Variants in ARHGAP28 observed in about 807,000 individuals in gnomAD.
The protein encoded by ARHGAP28 is Rho GTPase activating protein 28.
ARHGAP28 carries 56 observed loss-of-function variants against 90.7 expected under a neutral mutation model. The ratio of observed to expected loss-of-function variants is 0.62; its 90% CI spans 0.50 to 0.77. The LOEUF is 0.77. Ranked by LOEUF, ARHGAP28 falls within the 30% of genes least tolerant of loss-of-function variation. The probability of loss-of-function intolerance (pLI) is 0.00; values close to 1 mark genes in which losing one functional copy is unlikely to be tolerated. For missense variants in ARHGAP28, 869 were observed against 900.9 expected (o/e 0.96, Z 0.45); for synonymous variants, 308 against 323.3 (o/e 0.95, Z 0.51).
At chr18:6,832,666 G>A (rs1166782800) in intron 2 of ARHGAP28, among the ~76,000 whole-genome samples, 1 of 151,918 alleles carries the variant, frequency 6.6e-6, no homozygotes, top group Non-Finnish European at 1.5e-5. Context: ...AATACTCTTA[G>A]TAATATTCCC....
intron 1 of ARHGAP28, among the ~76,000 whole-genome samples, chr18:6,783,599 C>T (rs1312864925): frequency 3.9e-5 from 6 of 152,092 alleles, no homozygotes; most frequent in Non-Finnish European, 7.3e-5. Flanking sequence ...CCATGACCGG[C>T]CTGGGTATTT....
chr18:6,888,149 A>G (rs1791912119), intron 12 of ARHGAP28, among the ~76,000 whole-genome samples: 2 of 152,236 alleles, frequency 1.3e-5, no homozygotes, highest in Non-Finnish European at 2.9e-5. Context: ...CCACTGATAT[A>G]TAGTAGAACA....
At chr18:6,824,451 C>T (rs1418975070) in intron 1 of ARHGAP28, among the ~76,000 whole-genome samples, 18 of 152,204 alleles carry the variant, frequency 1.2e-4, no homozygotes, top group Admixed American at 5.9e-4. Context: ...GCAGGAGAAT[C>T]GCTTGAACCC....
intron 11 of ARHGAP28, 194 bp downstream of exon 11, chr18:6,882,493 A>G: frequency 4.5e-6 from 2 of 445,444 alleles, no homozygotes; most frequent in African/African-American, 2.0e-5. Flanking sequence ...TTAGGGTTTT[A>G]TAATCATTAA....
chr18:6,859,396 G>C (rs942880377), intron 4 of ARHGAP28, among the ~76,000 whole-genome samples: 1 of 152,140 alleles, frequency 6.6e-6, no homozygotes, highest in African/African-American at 2.4e-5. Flanking sequence ...CTGTGGTCCT[G>C]TCATGAGCAT....
intron 1 of ARHGAP28, among the ~76,000 whole-genome samples, chr18:6,738,056 C>T (rs1002435639): frequency 6.6e-6 from 1 of 152,078 alleles, no homozygotes. Flanking sequence ...CTTTTCTGAT[C>T]CCTTAGTTGA....
In ARHGAP28 at chr18:6,879,867, CCAT is replaced by C. The variant is rs776376423; in HGVS notation, c.1291-2269_1291-2267del. On this transcript the variant is annotated intron_variant, in intron 10 of 17. Coordinates refer to ENST00000383472, the MANE Select transcript of ARHGAP28 (RefSeq NM_001366230.1). ...TACATTGAGAAGCTTGAAGCACAGA[CCAT>C]AACCTAGTCAGTTGCTGAGTTCGGA... 3.8e-3 allele frequency among the ~76,000 whole-genome samples: 582 copies of C among 152,274 alleles called. 3 individuals carry two copies. The South Asian group carries it at 0.048, about 13-fold the overall frequency.
intron 1 of ARHGAP28, chr18:6,754,914 G>T (rs1002113239): frequency 6.6e-6 from 1 of 152,266 alleles, no homozygotes; most frequent in Admixed American, 6.5e-5. Flanking sequence ...GGGAAGCCAA[G>T]GCAGGTGGAT....
chr18:6,873,923 C>G, intron 9 of ARHGAP28, 148 bp downstream of exon 9: 1 of 716,038 alleles, frequency 1.4e-6, no homozygotes, highest in Non-Finnish European at 2.4e-6. Flanking sequence ...CAGCTTTATT[C>G]CATGCACCGC....
At chr18:6,857,176 C>T (rs1476225718) in intron 4 of ARHGAP28, among the ~76,000 whole-genome samples, 5 of 152,152 alleles carry the variant, frequency 3.3e-5, no homozygotes, top group African/African-American at 9.7e-5. Flanking sequence ...AGCTGTTAAA[C>T]TTAGTAAGGA....
intron 3 of ARHGAP28, among the ~76,000 whole-genome samples, chr18:6,848,178 G>A (rs1393067089): frequency 6.6e-6 from 1 of 152,172 alleles, no homozygotes. Context: ...GGAACCTCCT[G>A]AAACTCAGAT....
chr18:6,807,423 A>C (rs554239410), intron 1 of ARHGAP28, among the ~76,000 whole-genome samples: 1 of 152,144 alleles, frequency 6.6e-6, no homozygotes, highest in Non-Finnish European at 1.5e-5. Context: ...ATACTTTTAT[A>C]GTTCTATAAA....
intron 10 of ARHGAP28, among the ~76,000 whole-genome samples, chr18:6,877,315 T>C (rs2057139083): frequency 6.6e-6 from 1 of 151,974 alleles, no homozygotes; most frequent in African/African-American, 2.4e-5. Flanking sequence ...TTCTGCAGGA[T>C]GAAAGGGGCA....
At chr18:6,859,958 A>G in intron 5 of ARHGAP28, 61 bp downstream of exon 5, 1 of 1,408,850 alleles carries the variant, frequency 7.1e-7, no homozygotes, top group South Asian at 1.2e-5. Context: ...AAAGCAACTA[A>G]TGTAGGAAGG....
In ARHGAP28 at chr18:6,851,117, T is replaced by TG; in HGVS notation, c.629dup (p.Ser211PhefsTer5). The TG allele has an allele frequency of 6.2e-7, 1 of 1,613,982 alleles. No homozygotes were observed. The highest frequency in any genetic ancestry group is 8.5e-7 in the Non-Finnish European group (1 of 1,179,928). On this transcript the variant is annotated frameshift_variant, in exon 4 of 18. Transcript: ENST00000383472. LOFTEE classifies it high-confidence loss of function. Reference sequence around the variant, plus strand: ...AGCTTCCAAGAGTTATCAAGACAAGTGGTTCCATGGTAAGTTATAGTTGTG... The same window carrying TG: ...AGCTTCCAAGAGTTATCAAGACAAGTGGGTTCCATGGTAAGTTATAGTTGTG...
intron 16 of ARHGAP28, chr18:6,898,831 C>CT: frequency 1.0e-6 from 1 of 972,186 alleles, no homozygotes; most frequent in Non-Finnish European, 1.3e-6. Flanking sequence ...GGGAGCTAAG[C>CT]TGTGAGGATG....
Position 6,748,900 on chromosome 18 carries a change from G to A in ARHGAP28, c.122+18957G>A, listed in dbSNP as rs73938282. 7.3e-3 allele frequency among the ~76,000 whole-genome samples: 1,113 copies of A among 152,272 alleles called. 12 individuals carry two copies. Among genetic ancestry groups the A allele is most frequent in the African/African-American group, 0.025 (1,054 of 41,542 alleles). On this transcript the variant is annotated intron_variant, in intron 1 of 17. Coordinates refer to ENST00000383472, the MANE Select transcript of ARHGAP28 (RefSeq NM_001366230.1). ...AGTGCCTTCCTTGCATTCCCCTGTGGCTGTGTGATCTGCACAGGAGACCGT... is the reference window on the plus strand; with the variant it reads ...AGTGCCTTCCTTGCATTCCCCTGTGACTGTGTGATCTGCACAGGAGACCGT...
At chr18:6,828,106 T>C (rs28583360) in intron 2 of ARHGAP28, among the ~76,000 whole-genome samples, 16,259 of 152,084 alleles carry the variant, frequency 0.11, 1,305 homozygotes, top group African/African-American at 0.23. Flanking sequence ...CCCGGCACCT[T>C]GGGAGGCCGA....
At chr18:6,746,672 G>A (rs2056026087) in intron 1 of ARHGAP28, among the ~76,000 whole-genome samples, 1 of 152,192 alleles carries the variant, frequency 6.6e-6, no homozygotes, top group Non-Finnish European at 1.5e-5. Context: ...AGGTCACAAG[G>A]AATCAGTGAA....
Sources: allele counts gnomAD v4.1 joint callset (sites outside exome capture counted in the v4.1 genomes callset), GRCh38; gene constraint gnomAD v4.1.1; transcripts MANE v1.5; gene names NCBI Gene and HGNC (gene_info 2026-07-23, HGNC 2026-07-21).